The following DNAH11 variants were observed in gnomAD, a reference collection of about 807,000 sequenced individuals.
The protein encoded by DNAH11 is dynein axonemal heavy chain 11.
Under a neutral mutation model 526.0 loss-of-function variants are expected in DNAH11, and 442 were observed. That is an observed-to-expected ratio of 0.84 (90% confidence interval 0.78 to 0.91). DNAH11 has a LOEUF of 0.91. Among genes scored for constraint, DNAH11 ranks in the 40% least tolerant of loss-of-function variants. The pLI is 0.00. For synonymous variants in DNAH11, 2,461 were observed against 1,935.9 expected, an observed-to-expected ratio of 1.27 and a Z score of -7.12; for missense variants, 6,989 against 5,448.7, an observed-to-expected ratio of 1.28 and a Z score of -8.90.
intron 74 of DNAH11, among the ~76,000 whole-genome samples, chr7:21,877,874 CAAAAAAAAAAAAAA>C (rs59694030): frequency 3.0e-5 from 2 of 66,614 alleles, no homozygotes; most frequent in East Asian, 9.5e-4. Flanking sequence ...GACTCCATCT[CAAAAAAAAAAAAAA>C]AAAAAAAAAA....
chr7:21,576,788 T>C (rs374309592), intron 8 of DNAH11, among the ~76,000 whole-genome samples: 6 of 152,212 alleles, frequency 3.9e-5, no homozygotes, highest in East Asian at 1.9e-4. Context: ...TGCACACTTA[T>C]GTATATATAT....
At chr7:21,670,867 CGT>C (rs59872330) in intron 30 of DNAH11, among the ~76,000 whole-genome samples, 16,316 of 146,722 alleles carry the variant, frequency 0.11, 1,587 homozygotes, top group Admixed American at 0.26. Context: ...TAAGTGTGTA[CGT>C]GTGTGTGTGT....
intron 9 of DNAH11, among the ~76,000 whole-genome samples, chr7:21,583,167 T>G (rs2128441240): frequency 6.6e-6 from 1 of 152,260 alleles, no homozygotes; most frequent in East Asian, 1.9e-4. Context: ...GGAGGCATCA[T>G]GCTACCTGAC....
chr7:21,737,547 T>A (rs2906682), intron 46 of DNAH11, among the ~76,000 whole-genome samples: 141,721 of 152,298 alleles, frequency 0.93, 66,006 homozygotes, highest in African/African-American at 0.94. Flanking sequence ...GAGATCTGAG[T>A]TGGGGAGATC....
At chr7:21,742,514 G>A (rs1003118442) in intron 49 of DNAH11, among the ~76,000 whole-genome samples, 1 of 152,094 alleles carries the variant, frequency 6.6e-6, no homozygotes, top group Non-Finnish European at 1.5e-5. Flanking sequence ...ACTTATTACG[G>A]AGGGGATGGT....
chr7:21,856,679 C>T (rs116972586), intron 68 of DNAH11, among the ~76,000 whole-genome samples: 1 of 151,382 alleles, frequency 6.6e-6, no homozygotes, highest in South Asian at 2.1e-4. Context: ...GTTTAACATT[C>T]AAAAATCACG....
chr7:21,586,070 G>C (rs994795811), intron 9 of DNAH11, among the ~76,000 whole-genome samples: 1 of 152,096 alleles, frequency 6.6e-6, no homozygotes, highest in Non-Finnish European at 1.5e-5. Flanking sequence ...AATGTATACT[G>C]CCTAAAACAT....
rs1554293255 is a variant in DNAH11 at position 21,892,586 on chromosome 7, C to T, written c.12669C>T (p.Asn4223=). ...TAGAATTCCTGACAGTGACATCCAACACTCTCTTCAGAACTTTGCTGGAGA... is the reference window on the plus strand; with the variant it reads ...TAGAATTCCTGACAGTGACATCCAATACTCTCTTCAGAACTTTGCTGGAGA... ...AEIEFLTVTS[N]TLFRTLLEMQ... The change falls in exon 77 of 82, where the codon AAC becomes AAT. Residue 4223 remains asparagine (N), a synonymous_variant. Coordinates refer to ENST00000409508, the MANE Select transcript of DNAH11 (RefSeq NM_001277115.2). 1 of 1,614,012 alleles carries T rather than the reference C, an allele frequency of 6.2e-7. No individual in the cohort carries two copies. Among genetic ancestry groups the T allele is most frequent in the Non-Finnish European group, 8.5e-7 (1 of 1,179,888 alleles).
intron 61 of DNAH11, among the ~76,000 whole-genome samples, chr7:21,796,510 A>G (rs1468955503): frequency 6.6e-6 from 1 of 152,212 alleles, no homozygotes; most frequent in Non-Finnish European, 1.5e-5. Context: ...CAGTTTATAA[A>G]CTGGGTACAG....
intron 76 of DNAH11, among the ~76,000 whole-genome samples, chr7:21,888,170 T>A (rs1413473903): frequency 6.6e-6 from 1 of 152,180 alleles, no homozygotes; most frequent in Non-Finnish European, 1.5e-5. Flanking sequence ...AATGTACCTT[T>A]TCATTCTCAA....
chr7:21,722,772 T>C (rs1486445739), intron 44 of DNAH11, among the ~76,000 whole-genome samples: 2 of 152,192 alleles, frequency 1.3e-5, no homozygotes, highest in East Asian at 3.9e-4. Context: ...TTCTTGTTAA[T>C]GGAGGCCACA....
intron 42 of DNAH11, among the ~76,000 whole-genome samples, chr7:21,717,533 T>C (rs1486733278): frequency 6.6e-6 from 1 of 152,198 alleles, no homozygotes. Flanking sequence ...TCCATTATGT[T>C]TGGCTTCTGA....
intron 54 of DNAH11, among the ~76,000 whole-genome samples, chr7:21,757,696 A>T (rs916339850): frequency 6.6e-6 from 1 of 152,188 alleles, no homozygotes; most frequent in East Asian, 1.9e-4. Context: ...CTGGCGACAG[A>T]CAAGGTGGGT....
intron 65 of DNAH11, among the ~76,000 whole-genome samples, chr7:21,822,936 A>T (rs1312036393): frequency 9.9e-6 from 1 of 100,574 alleles, no homozygotes; most frequent in Non-Finnish European, 2.1e-5. Flanking sequence ...TATTTTACCC[A>T]TTTTTAAATC....
intron 54 of DNAH11, among the ~76,000 whole-genome samples, chr7:21,756,697 A>G (rs758769631): frequency 6.6e-6 from 1 of 152,092 alleles, no homozygotes; most frequent in Non-Finnish European, 1.5e-5. Context: ...AAAACAAAGG[A>G]TATTTTTCCA....
At chr7:21,735,469 T>A (rs1384372112) in intron 45 of DNAH11, among the ~76,000 whole-genome samples, 171 bp from the exon 46 acceptor site, 2 of 152,230 alleles carry the variant, frequency 1.3e-5, no homozygotes, top group Non-Finnish European at 1.5e-5. Context: ...CATTCAAAAT[T>A]GAAAATAAGG....
chr7:21,774,593 C>T (rs894004031), intron 56 of DNAH11, among the ~76,000 whole-genome samples: 5 of 152,050 alleles, frequency 3.3e-5, no homozygotes, highest in Admixed American at 2.0e-4. Flanking sequence ...ATCATTATTT[C>T]GTTGTTAAAA....
At chr7:21,876,162 C>T (rs910608205) in intron 74 of DNAH11, among the ~76,000 whole-genome samples, 26 of 152,236 alleles carry the variant, frequency 1.7e-4, no homozygotes, top group South Asian at 6.2e-4. Flanking sequence ...GGATTACAGG[C>T]GTGAGCCACC....
At chr7:21,666,458 T>C (rs1034504751) in intron 30 of DNAH11, among the ~76,000 whole-genome samples, 3 of 152,060 alleles carry the variant, frequency 2.0e-5, no homozygotes, top group African/African-American at 4.8e-5. Flanking sequence ...ATATCTGTAG[T>C]GTGCAGGGAC....
Sources: allele counts gnomAD v4.1 joint callset (sites outside exome capture counted in the v4.1 genomes callset), GRCh38; gene constraint gnomAD v4.1.1; transcripts MANE v1.5; gene names NCBI Gene and HGNC (gene_info 2026-07-23, HGNC 2026-07-21).